The following VPS41 variants were observed in gnomAD, a reference collection of about 807,000 sequenced individuals.
VPS41 encodes the protein VPS41 subunit of HOPS complex, also known as vacuolar protein sorting-associated protein 41 homolog.
VPS41 carries 85 observed loss-of-function variants against 130.9 expected under a neutral mutation model. That is an observed-to-expected ratio of 0.65 (90% CI 0.55 to 0.78). The LOEUF (loss-of-function observed/expected upper bound fraction) is 0.78. Among genes scored for constraint, VPS41 ranks in the 30% least tolerant of loss-of-function variants. VPS41 has a pLI of 0.00. For synonymous variants in VPS41, 335 were observed against 332.9 expected (o/e 1.01, Z -0.07); for missense variants, 874 against 1,018.7 (o/e 0.86, Z 1.93).
rs995741627 is a variant in VPS41 at position 38,855,230 on chromosome 7, A to T, written c.246+7315T>A. Among the ~76,000 whole-genome samples the T allele has an allele frequency of 2.6e-4, 37 of 144,132 alleles. 1 individual carries two copies. Among genetic ancestry groups the T allele is most frequent in the African/African-American group, 9.0e-4 (36 of 40,026 alleles). 94.6% of individuals were successfully genotyped at this position (144,132 alleles called of 152,430 possible). A position where few individuals can be genotyped will look rare whatever the true frequency, so the allele number is the denominator to read the frequency against. ...TCTCAAAAAAAAAAAAAAAAAAAAA[A>T]GGTGTTTGTGAATACTAAAAATGAA... On this transcript the variant is annotated intron_variant, in intron 4 of 28. Coordinates refer to ENST00000310301, the MANE Select transcript of VPS41 (RefSeq NM_014396.4).
chr7:38,767,945 T>C (rs901614457), intron 14 of VPS41, among the ~76,000 whole-genome samples: 5 of 152,176 alleles, frequency 3.3e-5, no homozygotes, highest in African/African-American at 7.2e-5. Flanking sequence ...TGTTAATGTA[T>C]ATAAAATTGT....
intron 3 of VPS41, among the ~76,000 whole-genome samples, chr7:38,864,093 T>A (rs930399441): frequency 2.6e-5 from 4 of 152,154 alleles, no homozygotes; most frequent in Non-Finnish European, 5.9e-5. Context: ...AAAGAATGGG[T>A]CTTAAAAGCT....
chr7:38,845,451 C>A (rs150895449), intron 4 of VPS41, among the ~76,000 whole-genome samples: 1 of 152,118 alleles, frequency 6.6e-6, no homozygotes, highest in Non-Finnish European at 1.5e-5. Context: ...GCAGTTGTCC[C>A]GTAGGGTGAG....
Position 38,907,332 on chromosome 7 carries a change from TGCAGAGTCACAGAAG to T in VPS41, c.21+1807_21+1821del, listed in dbSNP as rs1457932993. Among the ~76,000 whole-genome samples, 8 of 152,126 alleles carry T rather than the reference TGCAGAGTCACAGAAG, an allele frequency of 5.3e-5. No individual in the cohort carries two copies. In the South Asian group the frequency reaches 1.2e-3, roughly 24 times the overall value. ...AGACTAAGAGAGCCAGTACAGCTGA[TGCAGAGTCACAGAAG>T]GGAAGGAGAGTAGTGGGAAAAATGA... On this transcript the variant is annotated intron_variant, in intron 1 of 28. Coordinates refer to ENST00000310301, the MANE Select transcript of VPS41 (RefSeq NM_014396.4).
intron 23 of VPS41, 139 bp downstream of exon 23, chr7:38,745,418 CAT>C: frequency 1.4e-6 from 1 of 690,042 alleles, no homozygotes. Context: ...AAGTCTGTTT[CAT>C]ATATTAAATT....
At chr7:38,832,181 A>C (rs1176663379) in intron 4 of VPS41, among the ~76,000 whole-genome samples, 1 of 151,416 alleles carries the variant, frequency 6.6e-6, no homozygotes, top group African/African-American at 2.4e-5. Context: ...AATCTATAAG[A>C]GCTCTTTTCT....
intron 11 of VPS41, among the ~76,000 whole-genome samples, chr7:38,774,534 A>C (rs954064490): frequency 9.9e-5 from 15 of 152,146 alleles, no homozygotes; most frequent in African/African-American, 3.6e-4. Context: ...CAAATTGCTA[A>C]ACTTTGAAAC....
intron 2 of VPS41, among the ~76,000 whole-genome samples, chr7:38,885,967 T>G (rs1197824672): frequency 6.6e-6 from 1 of 151,696 alleles, no homozygotes; most frequent in East Asian, 1.9e-4. Context: ...TGAGGATAGA[T>G]CAAGAGAATG....
intron 16 of VPS41, 107 bp downstream of exon 16, chr7:38,765,473 T>C: frequency 1.4e-6 from 1 of 717,196 alleles, no homozygotes; most frequent in Non-Finnish European, 2.2e-6. Context: ...CCATCTGAGA[T>C]AATAATCACG....
At chr7:38,875,972 A>G (rs570965704) in intron 2 of VPS41, among the ~76,000 whole-genome samples, 98 of 152,342 alleles carry the variant, frequency 6.4e-4, no homozygotes, top group Non-Finnish European at 1.2e-3. Flanking sequence ...CTATACCCAC[A>G]TATTATTATT....
rs1785758527 is a variant in VPS41 at position 38,847,736 on chromosome 7, G to T, written c.246+14809C>A. On this transcript the variant is annotated intron_variant, in intron 4 of 28. Transcript: ENST00000310301. ...TTAAGTTCTCAATATACAAGTAAAT[G>T]ATACCATCAATGATAAAGGAAAAAT... Among the ~76,000 whole-genome samples the T allele has an allele frequency of 2.0e-5, 3 of 152,240 alleles. No individual in the cohort carries two copies. The South Asian group carries it at 6.2e-4, about 32-fold the overall frequency.
At chr7:38,828,939 C>T (rs1584415955) in intron 5 of VPS41, among the ~76,000 whole-genome samples, 1 of 152,088 alleles carries the variant, frequency 6.6e-6, no homozygotes. Flanking sequence ...AATTCGTTTC[C>T]AATTTTTAAT....
At chr7:38,851,969 A>G (rs1224165416) in intron 4 of VPS41, among the ~76,000 whole-genome samples, 1 of 152,238 alleles carries the variant, frequency 6.6e-6, no homozygotes, top group African/African-American at 2.4e-5. Context: ...GCCCATGGAA[A>G]TAATGAAATT....
intron 4 of VPS41, among the ~76,000 whole-genome samples, chr7:38,841,472 G>A (rs991633389): frequency 6.6e-6 from 1 of 152,172 alleles, no homozygotes; most frequent in Non-Finnish European, 1.5e-5. Flanking sequence ...CTGGGGGAAG[G>A]GTCACCAAAG....
intron 4 of VPS41, chr7:38,831,163 C>T: frequency 2.1e-6 from 1 of 469,004 alleles, no homozygotes; most frequent in South Asian, 1.6e-5. Flanking sequence ...GTTCATCAAA[C>T]TACATTTTTT....
At chr7:38,741,885 C>T (rs990087800) in intron 25 of VPS41, 100 bp downstream of exon 25, 226 of 1,378,362 alleles carry the variant, frequency 1.6e-4, no homozygotes, top group Non-Finnish European at 2.0e-4. Context: ...ACCATAAAAT[C>T]GAAAGTTTTT....
chr7:38,790,052 C>T (rs928377348), intron 9 of VPS41, among the ~76,000 whole-genome samples, 185 bp from the exon 10 acceptor site: 1 of 152,122 alleles, frequency 6.6e-6, no homozygotes, highest in Non-Finnish European at 1.5e-5. Context: ...TTATATTCAC[C>T]AACTTTATTC....
chr7:38,845,913 CATA>C (rs1785714127), intron 4 of VPS41, among the ~76,000 whole-genome samples: 1 of 152,198 alleles, frequency 6.6e-6, no homozygotes, highest in African/African-American at 2.4e-5. Context: ...AATGGTGACA[CATA>C]ATGTGTGAAA....
chr7:38,756,714 G>T (rs1666929858), intron 19 of VPS41, 124 bp downstream of exon 19: 15 of 696,520 alleles, frequency 2.2e-5, no homozygotes, highest in Non-Finnish European at 3.4e-5. Flanking sequence ...GTGTTCTAAA[G>T]ATTGTCGGCA....
Sources: gnomAD v4.1 joint callset for allele counts (sites outside exome capture counted in the v4.1 genomes callset) on GRCh38, gnomAD v4.1.1 for gene constraint, MANE v1.5 for transcripts, NCBI Gene and HGNC (gene_info 2026-07-23, HGNC 2026-07-21) for gene names.